CARM1: variants seen among roughly 807,000 people sequenced by gnomAD.
CARM1 encodes histone-arginine methyltransferase CARM1.
Under a neutral mutation model 72.7 loss-of-function variants are expected in CARM1, and 14 were observed. The ratio of observed to expected loss-of-function variants is 0.19; its 90% confidence interval spans 0.13 to 0.30. The LOEUF is 0.30. Among genes scored for constraint, CARM1 ranks in the 10% least tolerant of loss-of-function variants. The probability of loss-of-function intolerance (pLI) is 1.00; values close to 1 mark genes in which losing one functional copy is unlikely to be tolerated. For missense variants in CARM1, 432 were observed against 833.7 expected, an observed-to-expected ratio of 0.52 and a Z score of 5.93; for synonymous variants, 333 against 345.5, an observed-to-expected ratio of 0.96 and a Z score of 0.40.
chr19:10,921,582 G>A, intron 15 of CARM1, 33 bp from the exon 16 acceptor site: 1 of 1,594,864 alleles, frequency 6.3e-7, no homozygotes, highest in Non-Finnish European at 8.6e-7. Flanking sequence ...GGCGGGCCAG[G>A]GCAGCCCCTC....
At position 10,914,067 on chromosome 19, in the gene CARM1, G is replaced by T. The variant is rs2074175681; in HGVS notation, c.847+13G>T. On this transcript the variant is annotated intron_variant, in intron 6 of 15. Coordinates refer to ENST00000327064, the MANE Select transcript of CARM1 (RefSeq NM_199141.2). ...CTGAAGCCCAGCGGTGAGCACTGGG[G>T]GGTACACAGGCCAGGCCCCTCGGTG... 6.2e-7 allele frequency: 1 copy of T among 1,606,710 alleles called. No individual in the cohort carries two copies. Among genetic ancestry groups the T allele is most frequent in the Non-Finnish European group, 8.5e-7 (1 of 1,176,970 alleles).
chr19:10,904,912 A>G, intron 1 of CARM1, 39 bp from the exon 2 acceptor site: 1 of 1,598,100 alleles, frequency 6.3e-7, no homozygotes, highest in Admixed American at 1.7e-5. Flanking sequence ...GGCAGCTGAC[A>G]GGGCTGCACC....
chr19:10,883,767 C>G (rs1568346493), intron 1 of CARM1, among the ~76,000 whole-genome samples: 1 of 152,200 alleles, frequency 6.6e-6, no homozygotes, highest in Non-Finnish European at 1.5e-5. Flanking sequence ...CCTGTAATCC[C>G]AGCACTTTGG....
chr19:10,890,694 TATATACACACAC>T (rs1484692738), intron 1 of CARM1, among the ~76,000 whole-genome samples: 1 of 146,532 alleles, frequency 6.8e-6, no homozygotes, highest in African/African-American at 2.5e-5. Flanking sequence ...TATACACACA[TATATACACACAC>T]ATATATACAC....
At chr19:10,909,295 G>C in intron 4 of CARM1, 88 bp downstream of exon 4, 1 of 827,020 alleles carries the variant, frequency 1.2e-6, no homozygotes, top group Non-Finnish European at 2.0e-6. Context: ...AATTTTCTCA[G>C]ATTAGAAATG....
At chr19:10,888,847 G>A (rs565772386) in intron 1 of CARM1, among the ~76,000 whole-genome samples, 5 of 152,266 alleles carry the variant, frequency 3.3e-5, no homozygotes, top group Admixed American at 2.6e-4. Flanking sequence ...TTTCAGAAAA[G>A]CCAAGCTCTT....
At chr19:10,872,297 T>G (rs1311209953) in intron 1 of CARM1, among the ~76,000 whole-genome samples, 10 of 45,268 alleles carry the variant, frequency 2.2e-4, no homozygotes, top group Admixed American at 8.3e-4. Context: ...GCGGGAGAGG[T>G]GGGCGTCTCG....
At position 10,920,993 on chromosome 19, in the gene CARM1, T is replaced by A; in HGVS notation, c.1537+47T>A. On this transcript the variant is annotated intron_variant, in intron 13 of 15. Coordinates refer to ENST00000327064, the MANE Select transcript of CARM1 (RefSeq NM_199141.2). This position sits in a 1 kb window ranked among gnomAD's most constrained non-coding sequence, Gnocchi z 5.3. ...GCCCAGCCAACCCGGGAGGCCGCCC[T>A]CGCCGCAGGCCTGGCCCCTCTGCCT... 2 of 1,612,422 alleles carry A rather than the reference T, an allele frequency of 1.2e-6. No homozygotes were observed. The highest frequency in any genetic ancestry group is 1.7e-6 in the Non-Finnish European group (2 of 1,178,526).
chr19:10,887,365 T>G (rs2073949461), intron 1 of CARM1, among the ~76,000 whole-genome samples: 2 of 152,206 alleles, frequency 1.3e-5, no homozygotes, highest in Non-Finnish European at 2.9e-5. Context: ...GTGGCATCAG[T>G]AGTGTCTGCC....
rs1263917242 is a variant in CARM1, at chr19:10,919,460, G to GTGTC, written c.1021-132_1021-129dup. 10 of 661,044 alleles carry GTGTC rather than the reference G, an allele frequency of 1.5e-5. No individual in the cohort carries two copies. In the Admixed American group the frequency reaches 2.1e-4, roughly 14 times the overall value. 40.9% of individuals were successfully genotyped at this position (661,044 alleles called of 1,614,324 possible). A position where few individuals can be genotyped will look rare whatever the true frequency, so the allele number is the denominator to read the frequency against. On this transcript the variant is annotated intron_variant, in intron 8 of 15. Transcript: ENST00000327064. Reference sequence around the variant, plus strand: ...GTTGTGCCGGTCCCCTCCTCACGGCGTGTCTGGGAAGAGCAAGCTCGTTTT... The same window carrying GTGTC: ...GTTGTGCCGGTCCCCTCCTCACGGCGTGTCTGTCTGGGAAGAGCAAGCTCGTTTT...
intron 3 of CARM1, chr19:10,908,818 C>G (rs1322111729): frequency 3.1e-6 from 1 of 323,322 alleles, no homozygotes; most frequent in Admixed American, 4.8e-5. Flanking sequence ...GATGCCAGAA[C>G]CCTGCCTGTG....
At position 10,920,900 on chromosome 19, in the gene CARM1, G is replaced by T; in HGVS notation, c.1491G>T (p.Trp497Cys). 1 of 1,614,248 alleles carries T rather than the reference G, an allele frequency of 6.2e-7. No individual in the cohort carries two copies. Among genetic ancestry groups the T allele is most frequent in the Non-Finnish European group, 8.5e-7 (1 of 1,180,034 alleles). The change falls in exon 13 of 16, where the codon TGG (tryptophan) becomes TGT (cysteine). Residue 497 changes from tryptophan to cysteine, a missense_variant. Physicochemically the swap from Trp to Cys is radical, Grantham distance 215. This residue lies in a region of CARM1 where 142 missense variants were observed against 188.7 expected (regional missense o/e 0.75). Transcript: ENST00000327064. The surrounding 1 kb of genome is among the most constrained non-coding windows in gnomAD (Gnocchi z 5.3). Reference protein sequence around the residue: ...SHYTSPSENMWNTGSTYNLSS... With the variant: ...SHYTSPSENMCNTGSTYNLSS... ...ACACATCTCCCTCGGAAAACATGTG[G>T]AACACGGGCAGCACCTACAACCTCA...
intron 8 of CARM1, among the ~76,000 whole-genome samples, chr19:10,917,495 G>T (rs975522528): frequency 2.6e-5 from 4 of 151,888 alleles, no homozygotes; most frequent in Non-Finnish European, 5.9e-5. Flanking sequence ...AGAAAAAAAG[G>T]TTCCATTTTA....
At chr19:10,909,635 G>A (rs2074131784) in intron 4 of CARM1, among the ~76,000 whole-genome samples, 1 of 152,048 alleles carries the variant, frequency 6.6e-6, no homozygotes, top group African/African-American at 2.4e-5. Flanking sequence ...TACTCAGGAG[G>A]CTGAGGCAGG....
chr19:10,909,759 A>AAAC (rs2074133539), intron 4 of CARM1, among the ~76,000 whole-genome samples: 3 of 139,722 alleles, frequency 2.1e-5, no homozygotes, highest in East Asian at 4.8e-4. Context: ...AACAAACAAA[A>AAAC]AAAACAAAAA....
chr19:10,872,404 G>A (rs1028916760), intron 1 of CARM1, among the ~76,000 whole-genome samples: 1 of 152,168 alleles, frequency 6.6e-6, no homozygotes, highest in Non-Finnish European at 1.5e-5. Flanking sequence ...CGGTTGGAAA[G>A]TGTTTGCTGG....
intron 1 of CARM1, among the ~76,000 whole-genome samples, chr19:10,895,775 C>A (rs1012407879): frequency 6.6e-6 from 1 of 152,158 alleles, no homozygotes; most frequent in African/African-American, 2.4e-5. Context: ...TGGGTCATGC[C>A]CAGAGCCCTG....
At chr19:10,907,105 C>T (rs1272398040) in intron 2 of CARM1, among the ~76,000 whole-genome samples, 1 of 151,822 alleles carries the variant, frequency 6.6e-6, no homozygotes, top group Non-Finnish European at 1.5e-5. Flanking sequence ...CAGGGTTTCA[C>T]CATGTTGGCC....
intron 1 of CARM1, among the ~76,000 whole-genome samples, chr19:10,883,205 A>G (rs2073914873): frequency 6.6e-6 from 1 of 151,992 alleles, no homozygotes; most frequent in Non-Finnish European, 1.5e-5. Flanking sequence ...GCTTTCGAGG[A>G]TTGGCCCACA....
Sources: gnomAD v4.1 joint callset for allele counts (sites outside exome capture counted in the v4.1 genomes callset) on GRCh38, gnomAD v4.1.1 for gene constraint, gnomAD v4.1.1 regional missense constraint, Gnocchi (gnomAD v3.1) non-coding constraint, MANE v1.5 for transcripts, NCBI Gene and HGNC (gene_info 2026-07-23, HGNC 2026-07-21) for gene names.